The following TOM1 variants were observed in gnomAD, a reference collection of about 807,000 sequenced individuals.
TOM1 encodes the protein target of Myb protein 1.
TOM1 carries 38 observed loss-of-function variants against 61.3 expected under a neutral mutation model. The observed-to-expected ratio is 0.62, with a 90% CI of 0.48 to 0.81. The LOEUF (loss-of-function observed/expected upper bound fraction) is 0.81, where lower values mean the gene tolerates loss of function less well. Among genes scored for constraint, TOM1 ranks in the 40% least tolerant of loss-of-function variants. TOM1 has a pLI of 0.00. For synonymous variants in TOM1, 270 were observed against 268.8 expected, an observed-to-expected ratio of 1.00 and a Z score of -0.04; for missense variants, 591 against 659.6, an observed-to-expected ratio of 0.90 and a Z score of 1.14.
chr22:35,306,844 G>A lies in TOM1; in HGVS notation c.52+6864G>A, dbSNP rs117557604. ...TCTTTGTGTCCCTGGCAAATGAGCGGTCACTGGCTGGGTGGCCACCACATT... is the reference window on the plus strand; with the variant it reads ...TCTTTGTGTCCCTGGCAAATGAGCGATCACTGGCTGGGTGGCCACCACATT... On this transcript the variant is annotated intron_variant, in intron 1 of 14. Coordinates refer to ENST00000449058, the MANE Select transcript of TOM1 (RefSeq NM_005488.3). Among the ~76,000 whole-genome samples, 270 of 152,338 alleles carry A rather than the reference G, an allele frequency of 1.8e-3. 1 individual carries two copies. The highest frequency in any genetic ancestry group is 3.9e-3 in the Admixed American group (60 of 15,304).
At chr22:35,310,152 A>C (rs1384470167) in intron 1 of TOM1, among the ~76,000 whole-genome samples, 2 of 152,238 alleles carry the variant, frequency 1.3e-5, no homozygotes, top group Non-Finnish European at 2.9e-5. Context: ...GCCTATATCC[A>C]GAGGGGTCGG....
At chr22:35,305,941 G>C (rs1926295048) in intron 1 of TOM1, among the ~76,000 whole-genome samples, 1 of 152,056 alleles carries the variant, frequency 6.6e-6, no homozygotes, top group South Asian at 2.1e-4. Context: ...TTCTATAAAG[G>C]GCCAGATAGT....
intron 1 of TOM1, among the ~76,000 whole-genome samples, chr22:35,302,714 A>T (rs1378160660): frequency 6.6e-6 from 1 of 152,176 alleles, no homozygotes; most frequent in Non-Finnish European, 1.5e-5. Context: ...GCGGAGACTA[A>T]GGTCCAGAGA....
At chr22:35,305,443 C>T (rs1325227520) in intron 1 of TOM1, among the ~76,000 whole-genome samples, 2 of 152,106 alleles carry the variant, frequency 1.3e-5, no homozygotes, top group Admixed American at 6.5e-5. Flanking sequence ...GGGTGGATCA[C>T]GAGGTCAAGA....
Position 35,330,398 on chromosome 22 carries a change from C to T in TOM1, c.817C>T (p.Pro273Ser). The T allele has an allele frequency of 6.2e-7, 1 of 1,613,556 alleles. No individual in the cohort carries two copies. Among genetic ancestry groups the T allele is most frequent in the Non-Finnish European group, 8.5e-7 (1 of 1,179,850 alleles). The change falls in exon 8 of 15, where the codon CCT becomes TCT. Residue 273 changes from proline (P) to serine (S), a missense_variant. Transcript: ENST00000449058. ...GCAGCAGCGGGTCCTGGAGCTCATC[C>T]CTCAGATCGCCAATGAGCAGCTGAC... Reference protein sequence around the residue: ...AMQQRVLELIPQIANEQLTEE... With the variant: ...AMQQRVLELISQIANEQLTEE...
chr22:35,305,416 C>T (rs889183124), intron 1 of TOM1, among the ~76,000 whole-genome samples: 6 of 152,074 alleles, frequency 3.9e-5, no homozygotes, highest in Admixed American at 6.5e-5. Flanking sequence ...AATCCCAGCA[C>T]GTTGGGAGGC....
chr22:35,309,705 C>T (rs1926654034), intron 1 of TOM1, among the ~76,000 whole-genome samples: 1 of 151,094 alleles, frequency 6.6e-6, no homozygotes, highest in African/African-American at 2.4e-5. Context: ...TGAGTGACAA[C>T]ATCTGTGTCC....
At position 35,338,046 on chromosome 22, in the gene TOM1, C is replaced by G. The variant is rs980569075; in HGVS notation, c.1149-667C>G. Among the ~76,000 whole-genome samples, 29 of 152,188 alleles carry G rather than the reference C, an allele frequency of 1.9e-4. 1 individual carries two copies. Among genetic ancestry groups the G allele is most frequent in the African/African-American group, 5.8e-4 (24 of 41,452 alleles). On this transcript the variant is annotated intron_variant, in intron 11 of 14. Transcript: ENST00000449058. ...TCACACACAACATACCCTTCCTTGC[C>G]TCTCCTCATCTGCCCAGCAACTGTG...
rs565450803 is a variant in TOM1 at position 35,312,781 on chromosome 22, G to C, written c.53-5096G>C. ...GAGGCGTGAGAGGGCAAGCCACATAGAGGAAGGGGGTACAGCTGACTGTGG... is the reference window on the plus strand; with the variant it reads ...GAGGCGTGAGAGGGCAAGCCACATACAGGAAGGGGGTACAGCTGACTGTGG... On this transcript the variant is annotated intron_variant, in intron 1 of 14. Coordinates refer to ENST00000449058, the MANE Select transcript of TOM1 (RefSeq NM_005488.3). Among the ~76,000 whole-genome samples the C allele has an allele frequency of 3.3e-5, 5 of 152,206 alleles. No individual in the cohort carries two copies. In the East Asian group the frequency reaches 9.6e-4, roughly 29 times the overall value.
Position 35,316,399 on chromosome 22 carries a change from C to T in TOM1, c.53-1478C>T, listed in dbSNP as rs564675610. 9.2e-5 allele frequency among the ~76,000 whole-genome samples: 14 copies of T among 152,328 alleles called. No homozygotes were observed. The South Asian group carries it at 1.2e-3, about 14-fold the overall frequency. On this transcript the variant is annotated intron_variant, in intron 1 of 14. Coordinates refer to ENST00000449058, the MANE Select transcript of TOM1 (RefSeq NM_005488.3). ...CGCGTGAAGATAGCATCTAGGAAGG[C>T]GCAGAGAACAGAAAACAGGCCATGC...
chr22:35,333,659 CG>C (rs1387775369), intron 10 of TOM1, among the ~76,000 whole-genome samples, 162 bp downstream of exon 10: 1 of 152,154 alleles, frequency 6.6e-6, no homozygotes, highest in Non-Finnish European at 1.5e-5. Flanking sequence ...GTGGGGCACT[CG>C]GGGTCACTGC....
intron 13 of TOM1, 42 bp from the exon 14 acceptor site, chr22:35,346,888 G>T: frequency 6.3e-7 from 1 of 1,598,046 alleles, no homozygotes; most frequent in Non-Finnish European, 8.6e-7. Flanking sequence ...ACCGTACTGG[G>T]GGCCCGGCTA....
In TOM1 at chr22:35,317,890, T is replaced by C. The variant is rs1927441322; in HGVS notation, c.66T>C (p.Asp22=). The C allele has an allele frequency of 6.2e-7, 1 of 1,614,090 alleles. No homozygotes were observed. The highest frequency in any genetic ancestry group is 8.5e-7 in the Non-Finnish European group (1 of 1,179,964). ...GTTTCTTCTCAGAGAAAGCCACAGA[T>C]GGCTCCCTGCAGAGCGAGGACTGGG... ...PVGQRIEKAT[D]GSLQSEDWAL... The change falls in exon 2 of 15, where the codon GAT becomes GAC. Residue 22 remains aspartate (D), a synonymous_variant. Transcript: ENST00000449058.
In TOM1 at chr22:35,323,606, G is replaced by C. The variant is rs1031483802; in HGVS notation, c.477G>C (p.Leu159=). 1.9e-6 allele frequency: 3 copies of C among 1,613,998 alleles called. No homozygotes were observed. The highest frequency in any genetic ancestry group is 1.7e-6 in the Non-Finnish European group (2 of 1,180,026). ...LEFPMTDLDM[L]SPIHTPQRTV... ...TCCCCATGACTGACCTGGACATGCT[G>C]TCACCCATCCACACACCCCAGAGGG... Residue 159 remains leucine, a synonymous_variant, in exon 5 of 15, where the codon CTG becomes CTC. Coordinates refer to ENST00000449058, the MANE Select transcript of TOM1 (RefSeq NM_005488.3). The surrounding 1 kb of genome is among the most constrained non-coding windows in gnomAD (Gnocchi z 4.2).
chr22:35,308,850 A>G (rs1421393145), intron 1 of TOM1, among the ~76,000 whole-genome samples: 1 of 152,162 alleles, frequency 6.6e-6, no homozygotes, highest in Non-Finnish European at 1.5e-5. Context: ...TTGCGGAAGC[A>G]ATACCCTCTG....
intron 6 of TOM1, among the ~76,000 whole-genome samples, chr22:35,325,034 T>G (rs1051072242): frequency 9.9e-5 from 15 of 152,122 alleles, no homozygotes; most frequent in Non-Finnish European, 1.5e-5. Flanking sequence ...GCTGAGTGAC[T>G]TCTACAGCCA....
chr22:35,307,177 C>CT (rs1477058222), intron 1 of TOM1, among the ~76,000 whole-genome samples: 6 of 152,180 alleles, frequency 3.9e-5, no homozygotes, highest in Non-Finnish European at 8.8e-5. Context: ...AAACTTCTGT[C>CT]TTTCATGTAG....
chr22:35,299,643 G>A (rs955177676), upstream of TOM1: 2 of 488,108 alleles, frequency 4.1e-6, no homozygotes, highest in African/African-American at 2.1e-5. Flanking sequence ...GCCCTAAAAG[G>A]TCAGGGGCGT....
intron 1 of TOM1, 50 bp downstream of exon 1, chr22:35,300,030 C>T: frequency 3.2e-6 from 5 of 1,546,878 alleles, no homozygotes; most frequent in Non-Finnish European, 4.4e-6. Flanking sequence ...CCGCACCCAG[C>T]TTCGGTCCCC....
Sources: allele counts gnomAD v4.1 joint callset (sites outside exome capture counted in the v4.1 genomes callset), GRCh38; gene constraint gnomAD v4.1.1; non-coding constraint Gnocchi (gnomAD v3.1); transcripts MANE v1.5; gene names NCBI Gene and HGNC (gene_info 2026-07-23, HGNC 2026-07-21).